Variants in AKR1D1 observed in about 807,000 individuals in gnomAD.
AKR1D1 encodes the protein delta(4)-3-ketosteroid 5-beta-reductase.
AKR1D1 carries 32 observed loss-of-function variants against 42.6 expected under a neutral mutation model. The observed-to-expected ratio is 0.75, with a 90% CI of 0.57 to 1.01. The LOEUF (loss-of-function observed/expected upper bound fraction) is 1.01. Among genes scored for constraint, AKR1D1 ranks in the 50% least tolerant of loss-of-function variants. The pLI, the probability that AKR1D1 is intolerant of heterozygous loss-of-function variation, is 0.00. For missense variants in AKR1D1, 364 were observed against 402.2 expected (o/e 0.91, Z 0.81); for synonymous variants, 123 against 135.5 (o/e 0.91, Z 0.64).
chr7:138,088,084 T>C (rs1793974461), intron 1 of AKR1D1, among the ~76,000 whole-genome samples: 1 of 151,834 alleles, frequency 6.6e-6, no homozygotes, highest in Non-Finnish European at 1.5e-5. Context: ...ACAGATGGGG[T>C]CTCCCTATGT....
chr7:138,107,014 G>C (rs1213500101), intron 6 of AKR1D1, among the ~76,000 whole-genome samples: 1 of 152,074 alleles, frequency 6.6e-6, no homozygotes, highest in African/African-American at 2.4e-5. Flanking sequence ...TCAATCTTTT[G>C]ATCTCTGTAT....
At chr7:138,089,937 A>G (rs552477956) in intron 2 of AKR1D1, among the ~76,000 whole-genome samples, 31 of 152,286 alleles carry the variant, frequency 2.0e-4, no homozygotes, top group African/African-American at 7.2e-4. Context: ...GTTGCCTAGC[A>G]TTTCTGGACC....
At chr7:138,107,791 C>G (rs1215452181) in intron 7 of AKR1D1, among the ~76,000 whole-genome samples, 1 of 152,118 alleles carries the variant, frequency 6.6e-6, no homozygotes, top group Non-Finnish European at 1.5e-5. Context: ...TACTTGTACA[C>G]TATCCAGATC....
intron 4 of AKR1D1, among the ~76,000 whole-genome samples, chr7:138,104,722 A>G (rs73451432): frequency 0.08 from 12,200 of 151,604 alleles, 1,720 homozygotes; most frequent in African/African-American, 0.28. Flanking sequence ...ATGCCATAAA[A>G]AAAGTACCCA....
At chr7:138,110,906 C>T (rs1794524235) in intron 7 of AKR1D1, among the ~76,000 whole-genome samples, 1 of 152,004 alleles carries the variant, frequency 6.6e-6, no homozygotes, top group South Asian at 2.1e-4. Flanking sequence ...TGCCATCATC[C>T]ACTGGCCTCC....
intron 3 of AKR1D1, among the ~76,000 whole-genome samples, chr7:138,093,968 C>A (rs930179594): frequency 1.3e-5 from 2 of 152,182 alleles, no homozygotes; most frequent in Admixed American, 6.5e-5. Context: ...TTATGCAGCA[C>A]ATGACTCTAC....
At chr7:138,089,055 T>A (rs1794008655) in intron 2 of AKR1D1, among the ~76,000 whole-genome samples, 1 of 151,990 alleles carries the variant, frequency 6.6e-6, no homozygotes, top group Non-Finnish European at 1.5e-5. Context: ...AAGAGGGTTT[T>A]AAAAATGTAT....
At chr7:138,107,275 T>C (rs1203253907) in intron 6 of AKR1D1, 140 bp from the exon 7 acceptor site, 2 of 891,976 alleles carry the variant, frequency 2.2e-6, no homozygotes, top group Admixed American at 1.7e-5. Context: ...TACTCTGCAC[T>C]CAGAGAAACT....
In AKR1D1 at chr7:138,116,871, A is replaced by G; in HGVS notation, c.*209A>G. Reference sequence around the variant, plus strand: ...ATTAAAATCTGTTGAAATAACTCTTAGGAAATTATCAACTAATTTTTTCAG... The same window carrying G: ...ATTAAAATCTGTTGAAATAACTCTTGGGAAATTATCAACTAATTTTTTCAG... On this transcript the variant is annotated 3_prime_UTR_variant, in exon 9 of 9. Coordinates refer to ENST00000242375, the MANE Select transcript of AKR1D1 (RefSeq NM_005989.4). 1 of 539,034 alleles carries G rather than the reference A, an allele frequency of 1.9e-6. No individual in the cohort carries two copies. The allele number at this position is 539,034 out of a possible 1,614,324, so 33.4% of individuals were successfully genotyped here.
chr7:138,078,259 G>A (rs1173534995), intron 1 of AKR1D1, among the ~76,000 whole-genome samples: 1 of 152,176 alleles, frequency 6.6e-6, no homozygotes, highest in African/African-American at 2.4e-5. Context: ...ACTATGCTCA[G>A]CCAGGAGTTG....
chr7:138,113,754 G>A lies in AKR1D1; in HGVS notation c.920G>A (p.Arg307His), dbSNP rs116226492. 15 of 1,614,010 alleles carry A rather than the reference G, an allele frequency of 9.3e-6. No homozygotes were observed. Among genetic ancestry groups the A allele is most frequent in the South Asian group, 3.3e-5 (3 of 91,078 alleles). ...KDIEALNKNV[R>H]FVELLMWRDH... ...ATTGAAGCCTTGAATAAAAATGTCC[G>A]CTTTGTAGAATTGCTCATGTAAGTT... Residue 307 changes from arginine (R) to histidine (H), a missense_variant, in exon 8 of 9, where the codon CGC (arginine) becomes CAC (histidine). Coordinates refer to ENST00000242375, the MANE Select transcript of AKR1D1 (RefSeq NM_005989.4).
At chr7:138,096,054 A>C (rs1337779463) in intron 3 of AKR1D1, among the ~76,000 whole-genome samples, 1 of 151,852 alleles carries the variant, frequency 6.6e-6, no homozygotes, top group African/African-American at 2.4e-5. Context: ...AATACAAAAA[A>C]ATTAGCTAGG....
Position 138,076,597 on chromosome 7 carries a change from T to C in AKR1D1, c.79T>C (p.Ser27Pro). The change falls in exon 1 of 9, where the codon TCA becomes CCA. Residue 27 changes from serine to proline, a missense_variant. Ser to Pro is a moderately conservative substitution (Grantham distance 74). Transcript: ENST00000242375. ...SIPIIGLGTY[S>P]EPKSTPKGAC... ...TCCCATCATCGGACTTGGTACCTACTCAGAACCTAAATCGGTAAGCTTATT... is the reference window on the plus strand; with the variant it reads ...TCCCATCATCGGACTTGGTACCTACCCAGAACCTAAATCGGTAAGCTTATT... The C allele has an allele frequency of 6.2e-7, 1 of 1,612,820 alleles. No homozygotes were observed. Among genetic ancestry groups the C allele is most frequent in the Admixed American group, 1.7e-5 (1 of 59,956 alleles).
chr7:138,095,942 T>A (rs145150265), intron 3 of AKR1D1, among the ~76,000 whole-genome samples: 1,960 of 152,086 alleles, frequency 0.013, 45 homozygotes, highest in African/African-American at 0.045. Context: ...GGCTCACACC[T>A]GTATTCCCAG....
At chr7:138,099,596 G>A (rs1018888168) in intron 4 of AKR1D1, among the ~76,000 whole-genome samples, 2 of 151,524 alleles carry the variant, frequency 1.3e-5, no homozygotes, top group East Asian at 1.9e-4. Context: ...AGAAGAAAAG[G>A]ACAAGAATTT....
chr7:138,088,870 G>C (rs1175952774), intron 2 of AKR1D1, 102 bp downstream of exon 2: 16 of 1,231,986 alleles, frequency 1.3e-5, no homozygotes, highest in Non-Finnish European at 1.7e-5. Flanking sequence ...TTGCACTCAT[G>C]AGTAGGCAGT....
At chr7:138,114,213 G>T (rs1794589576) in intron 8 of AKR1D1, among the ~76,000 whole-genome samples, 1 of 152,144 alleles carries the variant, frequency 6.6e-6, no homozygotes, top group Non-Finnish European at 1.5e-5. Context: ...TTGAAACCAA[G>T]AACTTAGACT....
intron 4 of AKR1D1, among the ~76,000 whole-genome samples, chr7:138,099,144 G>A (rs1000440000): frequency 1.3e-5 from 2 of 152,180 alleles, no homozygotes; most frequent in African/African-American, 4.8e-5. Flanking sequence ...GGGCGAGGAG[G>A]AATGATTTAT....
At chr7:138,105,566 T>A in intron 5 of AKR1D1, 137 bp downstream of exon 5, 1 of 1,306,690 alleles carries the variant, frequency 7.7e-7, no homozygotes, top group Non-Finnish European at 1.1e-6. Flanking sequence ...TGCAAGTCTT[T>A]AGACTTCTTT....
Sources: gnomAD v4.1 joint callset for allele counts (sites outside exome capture counted in the v4.1 genomes callset) on GRCh38, gnomAD v4.1.1 for gene constraint, MANE v1.5 for transcripts, NCBI Gene and HGNC (gene_info 2026-07-23, HGNC 2026-07-21) for gene names.